Variants in GNE observed in about 807,000 individuals in gnomAD.
The protein encoded by GNE is bifunctional UDP-N-acetylglucosamine 2-epimerase/N-acetylmannosamine kinase.
In GNE, 41 loss-of-function variants were observed where a neutral mutation model predicts 61.8. That is an observed-to-expected ratio of 0.66 (90% CI 0.52 to 0.86). The LOEUF is 0.86. GNE is among the 40% of genes least tolerant of loss of function. The probability of loss-of-function intolerance (pLI) is 0.00; values close to 1 mark genes in which losing one functional copy is unlikely to be tolerated. For synonymous variants in GNE, 264 were observed against 326.4 expected (o/e 0.81, Z 2.06); for missense variants, 608 against 909.1 (o/e 0.67, Z 4.26).
intron 1 of GNE, among the ~76,000 whole-genome samples, chr9:36,254,406 CCTGCGGTCCT>C (rs1192022191): frequency 7.2e-5 from 11 of 151,852 alleles, no homozygotes; most frequent in Non-Finnish European, 1.5e-4. Context: ...GTTGTGCACA[CCTGCGGTCCT>C]AGCTATTTGG....
chr9:36,248,238 A>G (rs1373421197), intron 2 of GNE, among the ~76,000 whole-genome samples: 2 of 152,044 alleles, frequency 1.3e-5, no homozygotes, highest in Non-Finnish European at 2.9e-5. Flanking sequence ...TCATGCCACA[A>G]GGGTGCACTA....
At chr9:36,255,936 TGTTTTTGAGACA>T (rs1250710218) in intron 1 of GNE, among the ~76,000 whole-genome samples, 1 of 152,200 alleles carries the variant, frequency 6.6e-6, no homozygotes, top group African/African-American at 2.4e-5. Flanking sequence ...TGTTTGTTTT[TGTTTTTGAGACA>T]GGGTCTCACT....
chr9:36,255,427 G>A (rs921833111), intron 1 of GNE, among the ~76,000 whole-genome samples: 3 of 151,954 alleles, frequency 2.0e-5, no homozygotes, highest in African/African-American at 4.8e-5. Flanking sequence ...GGCTGTTCTC[G>A]AACTCTTGAC....
chr9:36,258,492 A>C, upstream of GNE: 1 of 985,386 alleles, frequency 1.0e-6, no homozygotes, highest in Non-Finnish European at 1.2e-6. Flanking sequence ...TCGCCCAGCC[A>C]CGCCCACCCG....
At chr9:36,260,868 C>CAAAAAA (rs745821430), upstream of GNE, among the ~76,000 whole-genome samples, 70 of 96,020 alleles carry the variant, frequency 7.3e-4, no homozygotes, top group East Asian at 5.6e-3. Context: ...GACTCTATCT[C>CAAAAAA]AAAAAAAAAA....
intron 5 of GNE, among the ~76,000 whole-genome samples, chr9:36,232,542 A>G (rs1829218238): frequency 1.3e-5 from 2 of 151,886 alleles, no homozygotes; most frequent in Admixed American, 1.3e-4. Context: ...TAGCGCTTCC[A>G]TTTCTCAAAT....
intron 8 of GNE, 92 bp from the exon 9 acceptor site, chr9:36,223,090 C>T: frequency 8.4e-7 from 1 of 1,183,860 alleles, no homozygotes; most frequent in Non-Finnish European, 1.3e-6. Flanking sequence ...CAGATTCATT[C>T]ACCCCAGATC....
chr9:36,227,524 TATA>T, intron 6 of GNE, 66 bp from the exon 7 acceptor site: 1 of 985,094 alleles, frequency 1.0e-6, no homozygotes, highest in Non-Finnish European at 1.6e-6. Context: ...GTAGTGAGGG[TATA>T]ATGTAATGGA....
intron 1 of GNE, chr9:36,276,858 C>A: frequency 1.3e-6 from 2 of 1,499,078 alleles, no homozygotes; most frequent in Admixed American, 1.8e-5. Context: ...ATTGCAATTT[C>A]AATAATAAAG....
intron 5 of GNE, among the ~76,000 whole-genome samples, chr9:36,232,656 T>C (rs1829224811): frequency 6.6e-6 from 1 of 152,186 alleles, no homozygotes; most frequent in African/African-American, 2.4e-5. Context: ...TTAGGTGTCA[T>C]CTCCTTAAAG....
chr9:36,258,114 C>A (rs1319549899), intron 1 of GNE, among the ~76,000 whole-genome samples: 6 of 152,230 alleles, frequency 3.9e-5, no homozygotes, highest in Non-Finnish European at 8.8e-5. Flanking sequence ...CCGAGCCACA[C>A]GGCGGAGCCC....
At chr9:36,265,676 C>T (rs1310620450) in intron 1 of GNE, 1 of 304,148 alleles carries the variant, frequency 3.3e-6, no homozygotes, top group East Asian at 7.9e-5. Flanking sequence ...GGACTGGTTT[C>T]CTGGAAGACA....
intron 1 of GNE, among the ~76,000 whole-genome samples, chr9:36,256,882 A>C (rs1830374755): frequency 6.6e-6 from 1 of 152,154 alleles, no homozygotes; most frequent in African/African-American, 2.4e-5. Context: ...GCACAGAGAA[A>C]ATAATTTACT....
At position 36,218,372 on chromosome 9, in the gene GNE, A is replaced by T; in HGVS notation, c.1817-73T>A. ...GCCAAGCTCACCACTGGGCCTGTGG[A>T]AAGCAAGCCCCTACATGGGAAGACG... is the stretch of plus-strand genomic sequence containing the variant. On this transcript the variant is annotated intron_variant, in intron 10 of 11. Transcript: ENST00000642385. This position sits in a 1 kb window ranked among gnomAD's most constrained non-coding sequence, Gnocchi z 4.1. The T allele has an allele frequency of 9.6e-7, 1 of 1,037,126 alleles. No homozygotes were observed. The highest frequency in any genetic ancestry group is 1.3e-5 in the South Asian group (1 of 79,054). The allele number at this position is 1,037,126 out of a possible 1,614,324, so 64.2% of individuals were successfully genotyped here.
rs1831155148 is a variant in GNE at position 36,274,095 on chromosome 9, TGTGTGTGTGTG to T, written c.51+2788_51+2798del. ...GTGTGTGTGTGTGTGTGTGTGTGTGTGTGTGTGTGTGTGTGTGTGTGACAGGGTCTTACTCT... is the reference window on the plus strand; with the variant it reads ...GTGTGTGTGTGTGTGTGTGTGTGTGTTGTGTGTGTGACAGGGTCTTACTCT... On this transcript the variant is annotated intron_variant, in intron 1 of 11. Coordinates refer to the GNE transcript ENST00000396594. Among the ~76,000 whole-genome samples, 3 of 150,762 alleles carry T rather than the reference TGTGTGTGTGTG, an allele frequency of 2.0e-5. No individual in the cohort carries two copies. The South Asian group carries it at 6.3e-4, about 32-fold the overall frequency.
intron 1 of GNE, among the ~76,000 whole-genome samples, chr9:36,257,619 T>C (rs528388058): frequency 4.0e-5 from 6 of 149,298 alleles, no homozygotes; most frequent in Non-Finnish European, 5.9e-5. Flanking sequence ...CTGGCTAACA[T>C]GGTGAAACCC....
intron 4 of GNE, among the ~76,000 whole-genome samples, chr9:36,234,635 T>C (rs1829318454): frequency 6.6e-6 from 1 of 152,218 alleles, no homozygotes; most frequent in Non-Finnish European, 1.5e-5. Flanking sequence ...CTGTGGCTTC[T>C]ATTTTAACTG....
chr9:36,227,178 T>A (rs1354892641), intron 7 of GNE, 70 bp downstream of exon 7: 2 of 934,358 alleles, frequency 2.1e-6, no homozygotes, highest in Non-Finnish European at 3.5e-6. Flanking sequence ...ACCTTCCAAC[T>A]ATATATACTT....
intron 1 of GNE, among the ~76,000 whole-genome samples, chr9:36,257,168 T>G (rs1279331576): frequency 6.6e-6 from 1 of 152,162 alleles, no homozygotes; most frequent in Non-Finnish European, 1.5e-5. Context: ...AACCCTTGTC[T>G]GAATGACTTC....
Sources: allele counts gnomAD v4.1 joint callset (sites outside exome capture counted in the v4.1 genomes callset), GRCh38; gene constraint gnomAD v4.1.1; non-coding constraint Gnocchi (gnomAD v3.1); transcripts MANE v1.5; gene names NCBI Gene and HGNC (gene_info 2026-07-23, HGNC 2026-07-21).